Variants in PI4K2B observed in about 807,000 individuals in gnomAD.
PI4K2B encodes phosphatidylinositol 4-kinase type 2-beta.
A neutral mutation model predicts 56.6 loss-of-function variants in PI4K2B; 46 were observed. The observed-to-expected ratio is 0.81, with a 90% CI of 0.64 to 1.04. PI4K2B has a LOEUF of 1.04. Among genes scored for constraint, PI4K2B ranks in the 50% least tolerant of loss-of-function variants. PI4K2B has a pLI of 0.00. For synonymous variants in PI4K2B, 211 were observed against 223.8 expected (o/e 0.94, Z 0.51); for missense variants, 556 against 607.7 (o/e 0.91, Z 0.89).
At chr4:25,251,665 G>C (rs1716056483) in intron 1 of PI4K2B, among the ~76,000 whole-genome samples, 1 of 152,130 alleles carries the variant, frequency 6.6e-6, no homozygotes, top group Non-Finnish European at 1.5e-5. Flanking sequence ...TGAGGTTGCA[G>C]TTACTGGTAT....
chr4:25,267,835 G>A, intron 7 of PI4K2B: 1 of 979,310 alleles, frequency 1.0e-6, no homozygotes, highest in Non-Finnish European at 1.2e-6. Context: ...ACCTCCTAAT[G>A]ATTTCAAAGT....
At chr4:25,273,625 C>A (rs890560318) in intron 9 of PI4K2B, among the ~76,000 whole-genome samples, 2 of 152,196 alleles carry the variant, frequency 1.3e-5, no homozygotes, top group Admixed American at 6.5e-5. Context: ...CCTGGCCAAT[C>A]GGCAACATTT....
At chr4:25,239,717 G>T (rs144240177) in intron 1 of PI4K2B, among the ~76,000 whole-genome samples, 1,721 of 152,344 alleles carry the variant, frequency 0.011, 26 homozygotes, top group African/African-American at 0.039. Context: ...CTCAAGTGCG[G>T]CCAGAGTGGG....
At chr4:25,241,091 T>C (rs1037764248) in intron 1 of PI4K2B, among the ~76,000 whole-genome samples, 1 of 152,272 alleles carries the variant, frequency 6.6e-6, no homozygotes, top group Admixed American at 6.5e-5. Context: ...ATAATTTCCT[T>C]GTGGTATTTA....
intron 7 of PI4K2B, among the ~76,000 whole-genome samples, chr4:25,266,223 A>C (rs1000076343): frequency 1.3e-5 from 2 of 152,208 alleles, no homozygotes; most frequent in African/African-American, 2.4e-5. Flanking sequence ...GCTGGATTGC[A>C]GTAGCATGCT....
intron 2 of PI4K2B, among the ~76,000 whole-genome samples, chr4:25,252,807 G>A (rs1353117396): frequency 6.6e-6 from 1 of 152,042 alleles, no homozygotes; most frequent in Non-Finnish European, 1.5e-5. Context: ...AGAGACGGTG[G>A]TCTCCCTATA....
chr4:25,245,315 AG>A (rs1476866453), intron 1 of PI4K2B, among the ~76,000 whole-genome samples: 3 of 152,178 alleles, frequency 2.0e-5, no homozygotes, highest in Non-Finnish European at 4.4e-5. Flanking sequence ...ACCTCGGAGA[AG>A]AGAGGCGAGA....
chr4:25,236,225 A>G (rs1437653763), intron 1 of PI4K2B, among the ~76,000 whole-genome samples: 1 of 131,842 alleles, frequency 7.6e-6, no homozygotes, highest in Non-Finnish European at 1.6e-5. Context: ...AAATAAATAA[A>G]TAAATAAATA....
At chr4:25,239,282 T>C (rs994335710) in intron 1 of PI4K2B, among the ~76,000 whole-genome samples, 1 of 152,088 alleles carries the variant, frequency 6.6e-6, no homozygotes, top group Non-Finnish European at 1.5e-5. Context: ...CGGGGCACCA[T>C]GGAGCAGGGG....
intron 1 of PI4K2B, among the ~76,000 whole-genome samples, chr4:25,234,965 C>G (rs1715187877): frequency 6.6e-6 from 1 of 151,918 alleles, no homozygotes; most frequent in Non-Finnish European, 1.5e-5. Context: ...TGTTCCTGCC[C>G]TCTTACAGTT....
chr4:25,239,245 T>C (rs1417135449), intron 1 of PI4K2B, among the ~76,000 whole-genome samples: 2 of 152,052 alleles, frequency 1.3e-5, no homozygotes, highest in Non-Finnish European at 2.9e-5. Context: ...GCGCCCACAC[T>C]CCTCAGCCCT....
chr4:25,238,970 A>G (rs1470379088), intron 1 of PI4K2B, among the ~76,000 whole-genome samples: 2 of 152,072 alleles, frequency 1.3e-5, no homozygotes, highest in Non-Finnish European at 2.9e-5. Flanking sequence ...GTCCATTTTG[A>G]CAGGGTGCTG....
chr4:25,274,177 A>G (rs953529541), intron 9 of PI4K2B, among the ~76,000 whole-genome samples: 1 of 152,196 alleles, frequency 6.6e-6, no homozygotes, highest in Non-Finnish European at 1.5e-5. Context: ...AAAAAGTAGA[A>G]TATATGTGGT....
At chr4:25,249,430 C>T (rs1281147871) in intron 1 of PI4K2B, among the ~76,000 whole-genome samples, 33 of 144,418 alleles carry the variant, frequency 2.3e-4, no homozygotes, top group Non-Finnish European at 4.5e-4. Flanking sequence ...GGCGGCTGGC[C>T]GGGCGGGGGC....
Position 25,277,190 on chromosome 4 carries a change from A to G in PI4K2B, c.*3A>G, listed in dbSNP as rs1436030592. The stretch of plus-strand genomic sequence containing the variant: ...AGCCATTTTTTTCCTCCTGGTAGTA[A>G]ATGTCAGAGTAAGAGAAACAAACTG... On this transcript the variant is annotated 3_prime_UTR_variant, in exon 10 of 10. Transcript: ENST00000264864. 6.2e-7 allele frequency: 1 copy of G among 1,609,894 alleles called. No homozygotes were observed. The highest frequency in any genetic ancestry group is 8.5e-7 in the Non-Finnish European group (1 of 1,176,788).
At chr4:25,255,024 T>C (rs1270389741) in intron 2 of PI4K2B, 41 bp from the exon 3 acceptor site, 1 of 1,286,800 alleles carries the variant, frequency 7.8e-7, no homozygotes, top group South Asian at 1.2e-5. Flanking sequence ...ATTATCTATA[T>C]ATGTAAAAAG....
intron 9 of PI4K2B, among the ~76,000 whole-genome samples, chr4:25,272,930 C>G (rs1270020845): frequency 2.0e-5 from 3 of 152,026 alleles, no homozygotes; most frequent in Non-Finnish European, 2.9e-5. Flanking sequence ...TTCCTCAAGT[C>G]AAAATACTTG....
intron 9 of PI4K2B, among the ~76,000 whole-genome samples, chr4:25,269,734 G>A (rs1368603969): frequency 6.6e-5 from 10 of 150,572 alleles, no homozygotes; most frequent in Non-Finnish European, 1.5e-5. Context: ...TTTTTTTTGA[G>A]ACAGAGTCTC....
chr4:25,269,359 G>T (rs754925162), intron 9 of PI4K2B, among the ~76,000 whole-genome samples, 156 bp downstream of exon 9: 1 of 152,144 alleles, frequency 6.6e-6, no homozygotes, highest in Non-Finnish European at 1.5e-5. Context: ...TGATTCGGCC[G>T]ACTGCAGTGG....
Sources: gnomAD v4.1 joint callset for allele counts (sites outside exome capture counted in the v4.1 genomes callset) on GRCh38, gnomAD v4.1.1 for gene constraint, MANE v1.5 for transcripts, NCBI Gene and HGNC (gene_info 2026-07-23, HGNC 2026-07-21) for gene names.